Variants in NALF1 observed in about 807,000 individuals in gnomAD.
NALF1 encodes family with sequence similarity 155 member A.
In NALF1, 3 loss-of-function variants were observed where a neutral mutation model predicts 48.4. The observed-to-expected ratio is 0.06, with a 90% CI of 0.03 to 0.16. The LOEUF is 0.16. NALF1 is among the 10% of genes least tolerant of loss of function. The pLI is 1.00. For synonymous variants in NALF1, 262 were observed against 245.7 expected (o/e 1.07, Z -0.62); for missense variants, 526 against 571.5 (o/e 0.92, Z 0.81).
chr13:107,223,716 T>C (rs919431757), intron 1 of NALF1, among the ~76,000 whole-genome samples: 4 of 152,216 alleles, frequency 2.6e-5, no homozygotes, highest in Non-Finnish European at 4.4e-5. Flanking sequence ...GTGAAGTTAG[T>C]ATAATACAGT....
In NALF1 at chr13:107,210,679, T is replaced by C. The variant is rs760734546; in HGVS notation, c.992A>G (p.Lys331Arg). The change falls in exon 2 of 3, where the codon AAG becomes AGG. Residue 331 changes from lysine (K) to arginine (R), a missense_variant. This residue lies in a region of NALF1 where 153 missense variants were observed against 215.9 expected (regional missense o/e 0.71). Transcript: ENST00000375915. ...QFNCRKTIPCKQYCLEVQTRC... is the reference protein window; with the variant it reads ...QFNCRKTIPCRQYCLEVQTRC... Reference sequence around the variant, plus strand: ...CGTCTGAACCTCCAAACAGTATTGCTTGCAAGGAATTGTCTTTCTGCAGTT... The same window carrying C: ...CGTCTGAACCTCCAAACAGTATTGCCTGCAAGGAATTGTCTTTCTGCAGTT... 2 of 1,611,918 alleles carry C rather than the reference T, an allele frequency of 1.2e-6. No individual in the cohort carries two copies. The highest frequency in any genetic ancestry group is 1.3e-5 in the African/African-American group (1 of 74,978).
At chr13:107,791,828 C>T (rs370784480) in intron 1 of NALF1, among the ~76,000 whole-genome samples, 1 of 150,928 alleles carries the variant, frequency 6.6e-6, no homozygotes, top group African/African-American at 2.4e-5. Context: ...AGAGTGGTGG[C>T]GGGTACCTAA....
At chr13:107,339,834 G>T (rs935972866) in intron 1 of NALF1, among the ~76,000 whole-genome samples, 8 of 152,044 alleles carry the variant, frequency 5.3e-5, no homozygotes, top group African/African-American at 1.9e-4. Context: ...AAGATATTGT[G>T]TTTCCGACCT....
chr13:107,224,448 A>G (rs1880060573), intron 1 of NALF1, among the ~76,000 whole-genome samples: 1 of 148,838 alleles, frequency 6.7e-6, no homozygotes, highest in African/African-American at 2.4e-5. Context: ...CAAATTATAT[A>G]TAATATAAAT....
chr13:107,517,887 C>T (rs58743455), intron 1 of NALF1, among the ~76,000 whole-genome samples: 2,747 of 151,244 alleles, frequency 0.018, 79 homozygotes, highest in African/African-American at 0.064. Flanking sequence ...GGGAGGTGGA[C>T]GTTTCAGTGA....
chr13:107,170,498 T>C lies in NALF1; in HGVS notation c.1376A>G (p.Ter459=), dbSNP rs1487283710. The change falls in exon 3 of 3, where the codon TAA becomes TGA. Residue 459 remains the stop codon, a stop_retained_variant. Transcript: ENST00000375915. ...GCTGTGGTGACACTCGTCCTTCCGTTACTCCTCATTGGTTGAGTTTTCTTC... is the reference window on the plus strand; with the variant it reads ...GCTGTGGTGACACTCGTCCTTCCGTCACTCCTCATTGGTTGAGTTTTCTTC... ...TLEENSTNEE[*] The C allele has an allele frequency of 1.9e-6, 3 of 1,593,602 alleles. No homozygotes were observed. The African/African-American group carries it at 4.0e-5, about 21-fold the overall frequency.
At chr13:107,591,210 T>G (rs1011069121) in intron 1 of NALF1, among the ~76,000 whole-genome samples, 2 of 151,928 alleles carry the variant, frequency 1.3e-5, no homozygotes, top group Non-Finnish European at 2.9e-5. Context: ...AAAATGGAAA[T>G]GAGTATAAGA....
chr13:107,783,862 A>G (rs1292181763), intron 1 of NALF1, among the ~76,000 whole-genome samples: 1 of 134,654 alleles, frequency 7.4e-6, no homozygotes, highest in Non-Finnish European at 1.6e-5. Flanking sequence ...ATGATCAATA[A>G]AAATAAAAAT....
chr13:107,491,943 G>T (rs2139070078), intron 1 of NALF1, among the ~76,000 whole-genome samples: 1 of 151,166 alleles, frequency 6.6e-6, no homozygotes, highest in African/African-American at 2.4e-5. Flanking sequence ...TTATTATCCT[G>T]CTGAAAGATG....
At chr13:107,397,403 G>A (rs1325702167) in intron 1 of NALF1, among the ~76,000 whole-genome samples, 1 of 152,122 alleles carries the variant, frequency 6.6e-6, no homozygotes, top group Admixed American at 6.6e-5. Context: ...ATCTTGACAA[G>A]GATCTTGAAA....
At chr13:107,230,107 T>A (rs1442059798) in intron 1 of NALF1, among the ~76,000 whole-genome samples, 1 of 152,186 alleles carries the variant, frequency 6.6e-6, no homozygotes, top group Non-Finnish European at 1.5e-5. Context: ...AGATTCGGCC[T>A]CCTCTCTTTA....
rs1250906281 is a variant in NALF1, at chr13:107,496,794, G to A, written c.916-286039C>T. On this transcript the variant is annotated intron_variant, in intron 1 of 2. Coordinates refer to ENST00000375915, the MANE Select transcript of NALF1 (RefSeq NM_001080396.3). The stretch of plus-strand genomic sequence containing the variant: ...TCACATCTTAGATGGATGGGAGCAG[G>A]CAAAAAAGAAAGAGCTTGTGCAGGG... Among the ~76,000 whole-genome samples, 7 of 152,230 alleles carry A rather than the reference G, an allele frequency of 4.6e-5. No individual in the cohort carries two copies. The East Asian group carries it at 1.4e-3, about 29-fold the overall frequency.
At chr13:107,779,249 T>C (rs1363901261) in intron 1 of NALF1, among the ~76,000 whole-genome samples, 1 of 152,234 alleles carries the variant, frequency 6.6e-6, no homozygotes, top group Non-Finnish European at 1.5e-5. Flanking sequence ...TATCCTAGTT[T>C]GTGGTTTCCT....
chr13:107,705,146 C>A (rs988112260), intron 1 of NALF1, among the ~76,000 whole-genome samples: 3 of 152,098 alleles, frequency 2.0e-5, no homozygotes, highest in Non-Finnish European at 4.4e-5. Flanking sequence ...AGGTACTTCC[C>A]AAGACAGACA....
chr13:107,248,021 A>G (rs1880618377), intron 1 of NALF1, among the ~76,000 whole-genome samples: 1 of 152,146 alleles, frequency 6.6e-6, no homozygotes, highest in Non-Finnish European at 1.5e-5. Flanking sequence ...GAAGATACTC[A>G]CATTGGCAGG....
At chr13:107,469,449 C>G (rs1041280855) in intron 1 of NALF1, among the ~76,000 whole-genome samples, 1 of 152,116 alleles carries the variant, frequency 6.6e-6, no homozygotes, top group Admixed American at 6.6e-5. Flanking sequence ...CTTGGCCCTA[C>G]GTGTCCATGG....
At chr13:107,624,780 G>A (rs1379350433) in intron 1 of NALF1, among the ~76,000 whole-genome samples, 3 of 152,176 alleles carry the variant, frequency 2.0e-5, no homozygotes, top group Admixed American at 1.3e-4. Context: ...CTCTTCCACT[G>A]CTTTCTCAGC....
intron 1 of NALF1, among the ~76,000 whole-genome samples, chr13:107,244,768 A>C (rs1377123181): frequency 6.6e-6 from 1 of 152,196 alleles, no homozygotes; most frequent in Non-Finnish European, 1.5e-5. Context: ...CATTTTACAC[A>C]TTGTAAAACT....
chr13:107,527,568 C>A (rs118154306), intron 1 of NALF1, among the ~76,000 whole-genome samples: 1 of 152,000 alleles, frequency 6.6e-6, no homozygotes, highest in African/African-American at 2.4e-5. Context: ...GCTCTGGGCA[C>A]GTAAAGTCTG....
Sources: allele counts gnomAD v4.1 joint callset (sites outside exome capture counted in the v4.1 genomes callset), GRCh38; gene constraint gnomAD v4.1.1; regional missense constraint gnomAD v4.1.1; transcripts MANE v1.5; gene names NCBI Gene and HGNC (gene_info 2026-07-23, HGNC 2026-07-21).